The following EPHA4 variants were observed in gnomAD, a reference collection of about 807,000 sequenced individuals.
EPHA4 encodes EPH receptor A4, also known as ephrin type-A receptor 4.
EPHA4 carries 19 observed loss-of-function variants against 108.3 expected under a neutral mutation model. The observed-to-expected ratio is 0.18, with a 90% CI of 0.12 to 0.26. The LOEUF (loss-of-function observed/expected upper bound fraction) is 0.26. Ranked by LOEUF, EPHA4 falls within the 10% of genes least tolerant of loss-of-function variation. The probability of loss-of-function intolerance (pLI) is 1.00; values close to 1 mark genes in which losing one functional copy is unlikely to be tolerated. For synonymous variants in EPHA4, 449 were observed against 455.5 expected, an observed-to-expected ratio of 0.99 and a Z score of 0.18; for missense variants, 917 against 1,254.0, an observed-to-expected ratio of 0.73 and a Z score of 4.06.
At chr2:221,529,444 C>G (rs1026484564) in intron 3 of EPHA4, among the ~76,000 whole-genome samples, 1 of 152,198 alleles carries the variant, frequency 6.6e-6, no homozygotes, top group Admixed American at 6.5e-5. Flanking sequence ...ACTCTCTCCA[C>G]ACCTAAACAC....
chr2:221,570,590 G>T (rs1694801899), intron 1 of EPHA4, among the ~76,000 whole-genome samples: 1 of 152,204 alleles, frequency 6.6e-6, no homozygotes, highest in African/African-American at 2.4e-5. Flanking sequence ...ATGTCTGTGG[G>T]CAGGTGTATA....
intron 14 of EPHA4, among the ~76,000 whole-genome samples, chr2:221,430,821 T>A (rs370767208): frequency 1.1e-3 from 163 of 152,298 alleles, no homozygotes; most frequent in African/African-American, 3.6e-3. Flanking sequence ...ATTAAAAAAA[T>A]TCCTTCTTTT....
At chr2:221,500,915 G>T in intron 4 of EPHA4, 102 bp downstream of exon 4, 1 of 1,216,378 alleles carries the variant, frequency 8.2e-7, no homozygotes, top group Non-Finnish European at 1.1e-6. Context: ...GATCTCAAGT[G>T]CCCCCTGAAT....
chr2:221,444,796 C>T (rs927291845), intron 9 of EPHA4, among the ~76,000 whole-genome samples: 3 of 116,664 alleles, frequency 2.6e-5, no homozygotes, highest in Non-Finnish European at 4.9e-5. Flanking sequence ...CTGGCTGTGT[C>T]GCTCAGGCTG....
At chr2:221,424,101 G>A (rs941592617) in intron 17 of EPHA4, among the ~76,000 whole-genome samples, 1 of 151,372 alleles carries the variant, frequency 6.6e-6, no homozygotes, top group African/African-American at 2.4e-5. Context: ...GCAACAGAGT[G>A]AGACTTTGTC....
intron 3 of EPHA4, among the ~76,000 whole-genome samples, chr2:221,540,696 G>C (rs980405251): frequency 4.6e-5 from 7 of 152,178 alleles, no homozygotes; most frequent in African/African-American, 1.2e-4. Flanking sequence ...AGGGGTAACA[G>C]CTGAAGCTTC....
At chr2:221,527,333 T>C (rs1171263467) in intron 3 of EPHA4, among the ~76,000 whole-genome samples, 1 of 151,802 alleles carries the variant, frequency 6.6e-6, no homozygotes, top group Non-Finnish European at 1.5e-5. Flanking sequence ...ACCTGCCGAG[T>C]CTCTCATCAG....
intron 3 of EPHA4, among the ~76,000 whole-genome samples, chr2:221,537,492 AAAG>A (rs528936953): frequency 1.2e-3 from 179 of 152,378 alleles, no homozygotes; most frequent in African/African-American, 4.0e-3. Flanking sequence ...GCACATTTAA[AAAG>A]AAGGCCCCAG....
chr2:221,493,233 T>C (rs1692201135), intron 4 of EPHA4, among the ~76,000 whole-genome samples: 1 of 152,112 alleles, frequency 6.6e-6, no homozygotes, highest in Non-Finnish European at 1.5e-5. Flanking sequence ...TTCGGGTAGA[T>C]AAAAAAATAT....
At chr2:221,501,413 C>T (rs1270687309) in intron 3 of EPHA4, 1 of 388,096 alleles carries the variant, frequency 2.6e-6, no homozygotes, top group East Asian at 4.0e-5. Flanking sequence ...TTTCTTAAAC[C>T]TGGCAGAATC....
rs552544813 is a variant in EPHA4, at chr2:221,523,861, C to T, written c.824-22689G>A. ...ACAGCCTCCCAAAGTGCTGGGATTA[C>T]AGGCATGAGCCACCGTGCCCGGCCC... On this transcript the variant is annotated intron_variant, in intron 3 of 17. Coordinates refer to ENST00000281821, the MANE Select transcript of EPHA4 (RefSeq NM_004438.5). 1.8e-4 allele frequency among the ~76,000 whole-genome samples: 27 copies of T among 152,210 alleles called. 3 individuals carry two copies. Among genetic ancestry groups the T allele is most frequent in the Admixed American group, 9.2e-4 (14 of 15,266 alleles).
chr2:221,572,197 C>T lies in EPHA4; in HGVS notation c.52G>A (p.Asp18Asn), dbSNP rs1408458706. 3.1e-6 allele frequency: 5 copies of T among 1,614,144 alleles called. No homozygotes were observed. Among genetic ancestry groups the T allele is most frequent in the South Asian group, 1.1e-5 (1 of 91,086 alleles). Residue 18 changes from aspartate (D) to asparagine (N), a missense_variant, in exon 1 of 18, where the codon GAC becomes AAC. By Grantham distance (23) the Asp-to-Asn change is conservative. Coordinates refer to ENST00000281821, the MANE Select transcript of EPHA4 (RefSeq NM_004438.5). ...ALFSCLFGIC[D>N]AVTGSRVYPA... Reference sequence around the variant, plus strand: ...TATACCCTGGAACCTGTGACAGCGTCGCAAATCCCGAAGAGACACGAAAAT... The same window carrying T: ...TATACCCTGGAACCTGTGACAGCGTTGCAAATCCCGAAGAGACACGAAAAT...
At chr2:221,544,274 TAA>T (rs965171870) in intron 3 of EPHA4, among the ~76,000 whole-genome samples, 3 of 152,218 alleles carry the variant, frequency 2.0e-5, no homozygotes, top group African/African-American at 7.2e-5. Context: ...ATACAAAGGC[TAA>T]GTCTTATAGA....
At chr2:221,532,030 A>C (rs1314701142) in intron 3 of EPHA4, among the ~76,000 whole-genome samples, 2 of 152,160 alleles carry the variant, frequency 1.3e-5, no homozygotes, top group African/African-American at 4.8e-5. Context: ...TGCTCTTTCA[A>C]AGGAGAGCTC....
chr2:221,431,978 A>G (rs6713847), intron 14 of EPHA4, among the ~76,000 whole-genome samples: 28,643 of 152,082 alleles, frequency 0.19, 4,058 homozygotes, highest in African/African-American at 0.4. Context: ...TACATTTCCT[A>G]TTGATTCCTG....
rs1361949473 is a variant in EPHA4 at position 221,425,553 on chromosome 2, G to A, written c.*475C>T. The A allele has an allele frequency of 6.5e-6, 1 of 154,430 alleles. No individual in the cohort carries two copies. The highest frequency in any genetic ancestry group is 2.4e-5 in the African/African-American group (1 of 41,390). The allele number at this position is 154,430 out of a possible 1,614,324, so 9.6% of individuals were successfully genotyped here. Reference sequence around the variant, plus strand: ...TTTTTTCCCCCATGGTATGAACCAAGCCCTAAAAGCCACAGCTGAGTCCTT... The same window carrying A: ...TTTTTTCCCCCATGGTATGAACCAAACCCTAAAAGCCACAGCTGAGTCCTT... On this transcript the variant is annotated 3_prime_UTR_variant, in exon 17 of 18. Transcript: ENST00000281821.
intron 3 of EPHA4, among the ~76,000 whole-genome samples, chr2:221,544,236 C>T (rs977142623): frequency 3.9e-5 from 6 of 152,162 alleles, no homozygotes; most frequent in African/African-American, 1.4e-4. Flanking sequence ...CACAAGAAAC[C>T]CACACAGGTG....
intron 3 of EPHA4, among the ~76,000 whole-genome samples, chr2:221,546,485 C>T (rs1303397820): frequency 6.6e-6 from 1 of 151,252 alleles, no homozygotes; most frequent in East Asian, 1.9e-4. Flanking sequence ...CTTTTTTCCC[C>T]TCCACCTCTT....
At chr2:221,574,035 T>G (rs762696702), upstream of EPHA4, 10 of 152,286 alleles carry the variant, frequency 6.6e-5, no homozygotes, top group Non-Finnish European at 1.3e-4. Context: ...TAGGGCGACG[T>G]CGAGGAGAGG....
Sources: gnomAD v4.1 joint callset for allele counts (sites outside exome capture counted in the v4.1 genomes callset) on GRCh38, gnomAD v4.1.1 for gene constraint, MANE v1.5 for transcripts, NCBI Gene and HGNC (gene_info 2026-07-23, HGNC 2026-07-21) for gene names.